TAOK3: variants seen among roughly 807,000 people sequenced by gnomAD.
TAOK3 encodes the protein serine/threonine-protein kinase TAO3.
A neutral mutation model predicts 120.4 loss-of-function variants in TAOK3; 40 were observed. That is an observed-to-expected ratio of 0.33 (90% CI 0.26 to 0.43). TAOK3 has a LOEUF of 0.43. Ranked by LOEUF, TAOK3 falls within the 20% of genes least tolerant of loss-of-function variation. The pLI is 1.00. For missense variants in TAOK3, 821 were observed against 1,112.1 expected (o/e 0.74, Z 3.72); for synonymous variants, 355 against 387.5 (o/e 0.92, Z 0.99).
At chr12:118,182,625 T>TATATATATATATATATATATATATATA (rs35580550) in intron 14 of TAOK3, among the ~76,000 whole-genome samples, 1 of 57,156 alleles carries the variant, frequency 1.7e-5, no homozygotes, top group Non-Finnish European at 3.5e-5. Flanking sequence ...ATATATATAT[T>TATATATATATATATATATATATATATA]TTTTTTTTTT....
At chr12:118,320,056 T>A (rs891548138) in intron 1 of TAOK3, among the ~76,000 whole-genome samples, 1 of 152,196 alleles carries the variant, frequency 6.6e-6, no homozygotes, top group African/African-American at 2.4e-5. Context: ...TGTTACAGCA[T>A]GGATGAACCA....
chr12:118,225,301 C>G (rs1453483149), intron 9 of TAOK3, among the ~76,000 whole-genome samples: 2 of 126,226 alleles, frequency 1.6e-5, no homozygotes, highest in African/African-American at 5.8e-5. Context: ...TTGGTATTAA[C>G]AGTTAGAATT....
At chr12:118,221,370 T>C (rs61945182) in intron 9 of TAOK3, among the ~76,000 whole-genome samples, 18,445 of 151,994 alleles carry the variant, frequency 0.12, 1,211 homozygotes, top group Middle Eastern at 0.15. Flanking sequence ...ATTACAGGCA[T>C]GTGCCACTGT....
intron 1 of TAOK3, among the ~76,000 whole-genome samples, chr12:118,319,207 T>C (rs1202764003): frequency 6.6e-6 from 1 of 152,116 alleles, no homozygotes; most frequent in Non-Finnish European, 1.5e-5. Context: ...ATACCATAAA[T>C]ATAATTTTTC....
intron 1 of TAOK3, among the ~76,000 whole-genome samples, chr12:118,310,151 G>T (rs1300754045): frequency 6.6e-6 from 1 of 152,130 alleles, no homozygotes; most frequent in Non-Finnish European, 1.5e-5. Flanking sequence ...GGGCATAGTG[G>T]CGTGCACCTG....
chr12:118,213,151 G>A (rs77357895), intron 10 of TAOK3, among the ~76,000 whole-genome samples, 156 bp from the exon 11 acceptor site: 2,168 of 152,208 alleles, frequency 0.014, 49 homozygotes, highest in African/African-American at 0.049. Context: ...TTCAAGTTAC[G>A]ATATCTAAAA....
At chr12:118,247,097 A>C (rs1351116229) in intron 3 of TAOK3, 1 of 512,110 alleles carries the variant, frequency 2.0e-6, no homozygotes, top group Admixed American at 3.7e-5. Context: ...ATGATGGGAC[A>C]GTTCTATTTC....
chr12:118,292,323 A>G (rs1004462919), intron 1 of TAOK3, among the ~76,000 whole-genome samples: 2 of 152,188 alleles, frequency 1.3e-5, no homozygotes, highest in African/African-American at 4.8e-5. Context: ...TGGTAAATGA[A>G]CTAATCTTGG....
At chr12:118,170,442 T>G (rs976234514) in intron 17 of TAOK3, among the ~76,000 whole-genome samples, 2 of 152,122 alleles carry the variant, frequency 1.3e-5, no homozygotes, top group African/African-American at 4.8e-5. Context: ...AAAGTACAAT[T>G]TTAGCCATAT....
intron 1 of TAOK3, among the ~76,000 whole-genome samples, chr12:118,328,416 C>T (rs1441014761): frequency 6.6e-6 from 1 of 152,062 alleles, no homozygotes. Context: ...GACAGAAATA[C>T]GACTAATACA....
At position 118,177,231 on chromosome 12, in the gene TAOK3, C is replaced by T; in HGVS notation, c.1665G>A (p.Gln555=). The change falls in exon 16 of 21, where the codon CAG becomes CAA. Residue 555 remains glutamine (Q), a synonymous_variant. Transcript: ENST00000392533. ...LTTFLESQKK[Q]YKICKEKIKE... ...TTATTTTTTCCTTACAAATCTTATA[C>T]TGCTTCTTCTGACTTTCTAAGAAAG... 6.2e-7 allele frequency: 1 copy of T among 1,613,804 alleles called. No individual in the cohort carries two copies. The highest frequency in any genetic ancestry group is 8.5e-7 in the Non-Finnish European group (1 of 1,179,820).
At position 118,255,627 on chromosome 12, in the gene TAOK3, AT is replaced by A; in HGVS notation, c.-61del. 5.0e-5 allele frequency: 76 copies of A among 1,520,676 alleles called. No homozygotes were observed. Among genetic ancestry groups the A allele is most frequent in the South Asian group, 1.2e-4 (9 of 76,720 alleles). 94.2% of individuals were successfully genotyped at this position (1,520,676 alleles called of 1,614,324 possible). A position where few individuals can be genotyped will look rare whatever the true frequency, so the allele number is the denominator to read the frequency against. ...CAGTTAGCTTTATTTCTCATTGACA[AT>A]TTTTTTTGGGGGGTAAATCTTCAGT... On this transcript the variant is annotated 5_prime_UTR_variant, in exon 3 of 21. Coordinates refer to ENST00000392533, the MANE Select transcript of TAOK3 (RefSeq NM_016281.4).
At chr12:118,285,009 TAA>T (rs550415823) in intron 1 of TAOK3, among the ~76,000 whole-genome samples, 1 of 145,002 alleles carries the variant, frequency 6.9e-6, no homozygotes, top group Admixed American at 6.9e-5. Flanking sequence ...TGCTTCATTG[TAA>T]AAAAAAAAAA....
In TAOK3 at chr12:118,371,649, C is replaced by T. The variant is rs937099321; in HGVS notation, c.-194+999G>A. ...CAGCCGGTTCCTATTTGCCCGACGC[C>T]GCGACTGCGACCCAGGCTCCCCGCC... On this transcript the variant is annotated intron_variant, in intron 1 of 20. Transcript: ENST00000392533. The surrounding 1 kb of genome is among the most constrained non-coding windows in gnomAD (Gnocchi z 5.5). 1.3e-5 allele frequency among the ~76,000 whole-genome samples: 2 copies of T among 152,104 alleles called. No individual in the cohort carries two copies. The highest frequency in any genetic ancestry group is 2.9e-5 in the Non-Finnish European group (2 of 67,996).
intron 11 of TAOK3, among the ~76,000 whole-genome samples, chr12:118,210,832 G>C (rs925504885): frequency 6.7e-6 from 1 of 149,686 alleles, no homozygotes; most frequent in Non-Finnish European, 1.5e-5. Flanking sequence ...TCCGCCTTCC[G>C]GCTTCAAGTG....
chr12:118,283,387 G>A (rs2042160803), intron 1 of TAOK3, among the ~76,000 whole-genome samples: 1 of 152,166 alleles, frequency 6.6e-6, no homozygotes. Context: ...GAGATGGGTA[G>A]GTGCTTAATG....
At chr12:118,266,840 T>C in intron 1 of TAOK3, 81 bp from the exon 2 acceptor site, 1 of 387,450 alleles carries the variant, frequency 2.6e-6, no homozygotes, top group Non-Finnish European at 4.6e-6. Context: ...GTTTTACATA[T>C]TTACAAATGT....
chr12:118,156,840 C>A (rs527432709), intron 19 of TAOK3, among the ~76,000 whole-genome samples: 1 of 152,086 alleles, frequency 6.6e-6, no homozygotes, highest in African/African-American at 2.4e-5. Context: ...TGGGTCCAAG[C>A]GATTCTCCCG....
intron 1 of TAOK3, among the ~76,000 whole-genome samples, chr12:118,302,851 G>A (rs2042926629): frequency 1.3e-5 from 2 of 152,062 alleles, no homozygotes; most frequent in African/African-American, 4.8e-5. Flanking sequence ...TTTTCTACAA[G>A]TGAAAATTCC....
Sources: gnomAD v4.1 joint callset for allele counts (sites outside exome capture counted in the v4.1 genomes callset) on GRCh38, gnomAD v4.1.1 for gene constraint, Gnocchi (gnomAD v3.1) non-coding constraint, MANE v1.5 for transcripts, NCBI Gene and HGNC (gene_info 2026-07-23, HGNC 2026-07-21) for gene names.